Variants in GRIN2B observed in about 807,000 individuals in gnomAD.
GRIN2B encodes the protein glutamate receptor ionotropic, NMDA 2B.
GRIN2B carries 5 observed loss-of-function variants against 114.5 expected under a neutral mutation model. The observed-to-expected ratio is 0.04, with a 90% CI of 0.02 to 0.09. The LOEUF is 0.09. Among genes scored for constraint, GRIN2B ranks in the 10% least tolerant of loss-of-function variants. The pLI, the probability that GRIN2B is intolerant of heterozygous loss-of-function variation, is 1.00. For synonymous variants in GRIN2B, 787 were observed against 745.1 expected (o/e 1.06, Z -0.92); for missense variants, 1,108 against 1,943.5 (o/e 0.57, Z 8.08).
intron 2 of GRIN2B, among the ~76,000 whole-genome samples, chr12:13,889,930 A>G (rs1866229538): frequency 6.6e-6 from 1 of 152,196 alleles, no homozygotes; most frequent in African/African-American, 2.4e-5. Flanking sequence ...TGCTGCTCAG[A>G]GGATTTCATC....
In GRIN2B at chr12:13,590,667, G is replaced by A. The variant is rs567760816; in HGVS notation, c.2010+17936C>T. Reference sequence around the variant, plus strand: ...CTATCATTGATGGGCATTTAGGTTGGTTCCAAGTCTTTGCTATTGTAAATA... The same window carrying A: ...CTATCATTGATGGGCATTTAGGTTGATTCCAAGTCTTTGCTATTGTAAATA... On this transcript the variant is annotated intron_variant, in intron 10 of 13. Transcript: ENST00000609686. Among the ~76,000 whole-genome samples, 177 of 152,174 alleles carry A rather than the reference G, an allele frequency of 1.2e-3. 1 individual carries two copies. Among genetic ancestry groups the A allele is most frequent in the African/African-American group, 3.9e-3 (161 of 41,476 alleles).
intron 4 of GRIN2B, among the ~76,000 whole-genome samples, chr12:13,736,166 A>G (rs1056474614): frequency 1.3e-5 from 2 of 150,574 alleles, no homozygotes; most frequent in Non-Finnish European, 3.0e-5. Flanking sequence ...GGGAATAAAC[A>G]GGTGGCCACT....
chr12:13,837,665 C>T (rs1865299098), intron 3 of GRIN2B, among the ~76,000 whole-genome samples: 1 of 152,178 alleles, frequency 6.6e-6, no homozygotes, highest in African/African-American at 2.4e-5. Flanking sequence ...CTTTCAAATT[C>T]ACTGTCCTTA....
chr12:13,743,547 T>C (rs1863321432), intron 4 of GRIN2B, among the ~76,000 whole-genome samples: 1 of 152,082 alleles, frequency 6.6e-6, no homozygotes, highest in Non-Finnish European at 1.5e-5. Context: ...AATATAATAA[T>C]GCTCTATTGT....
At chr12:13,904,930 T>C (rs528126556) in intron 2 of GRIN2B, among the ~76,000 whole-genome samples, 3 of 152,274 alleles carry the variant, frequency 2.0e-5, no homozygotes, top group East Asian at 3.9e-4. Context: ...AGAAACCATT[T>C]TGAGATATAA....
chr12:13,821,998 A>G (rs902731274), intron 3 of GRIN2B, among the ~76,000 whole-genome samples: 3 of 152,186 alleles, frequency 2.0e-5, no homozygotes, highest in East Asian at 1.9e-4. Flanking sequence ...TAATTCTAAT[A>G]TATATAAGGT....
intron 5 of GRIN2B, among the ~76,000 whole-genome samples, chr12:13,640,575 T>C (rs1949706299): frequency 6.6e-6 from 1 of 152,190 alleles, no homozygotes; most frequent in Non-Finnish European, 1.5e-5. Flanking sequence ...TGCTCCTTTA[T>C]TCCGAATCTG....
At chr12:13,694,001 G>A (rs1299073533) in intron 4 of GRIN2B, among the ~76,000 whole-genome samples, 1 of 152,124 alleles carries the variant, frequency 6.6e-6, no homozygotes, top group Non-Finnish European at 1.5e-5. Flanking sequence ...GGGGAACTAG[G>A]AAGAAAGAGA....
intron 4 of GRIN2B, among the ~76,000 whole-genome samples, chr12:13,733,780 C>T (rs1478445133): frequency 6.6e-6 from 1 of 152,256 alleles, no homozygotes; most frequent in East Asian, 1.9e-4. Context: ...AGTTCAATAC[C>T]TCATATAATC....
intron 3 of GRIN2B, among the ~76,000 whole-genome samples, chr12:13,799,360 C>CTCAGTCTCTT (rs1476277197): frequency 6.6e-6 from 1 of 152,148 alleles, no homozygotes; most frequent in African/African-American, 2.4e-5. Context: ...TTGTGGTTCC[C>CTCAGTCTCTT]TCAGTCTCTT....
intron 4 of GRIN2B, among the ~76,000 whole-genome samples, chr12:13,700,455 C>A (rs1950301319): frequency 6.6e-6 from 1 of 152,108 alleles, no homozygotes; most frequent in African/African-American, 2.4e-5. Flanking sequence ...TTCTATCTTC[C>A]CCCATACCCC....
At chr12:13,585,301 T>A (rs1436697530) in intron 10 of GRIN2B, among the ~76,000 whole-genome samples, 4 of 152,150 alleles carry the variant, frequency 2.6e-5, no homozygotes, top group Non-Finnish European at 4.4e-5. Context: ...TGAGTGAGGA[T>A]CCAGTGACAG....
At chr12:13,685,416 AAAG>A (rs1225442594) in intron 4 of GRIN2B, among the ~76,000 whole-genome samples, 1 of 152,240 alleles carries the variant, frequency 6.6e-6, no homozygotes, top group African/African-American at 2.4e-5. Context: ...ACTCATGGAA[AAAG>A]AAGGTTATAA....
At chr12:13,589,606 A>G (rs1948977979) in intron 10 of GRIN2B, among the ~76,000 whole-genome samples, 2 of 152,238 alleles carry the variant, frequency 1.3e-5, no homozygotes, top group African/African-American at 4.8e-5. Flanking sequence ...CTATCTGATG[A>G]ATGAATAAAT....
intron 3 of GRIN2B, among the ~76,000 whole-genome samples, chr12:13,855,634 G>A (rs1276918209): frequency 2.0e-5 from 3 of 151,928 alleles, no homozygotes; most frequent in African/African-American, 7.3e-5. Flanking sequence ...TCTTTATATG[G>A]GCTTCTCCTC....
At chr12:13,708,887 C>G (rs371941622) in intron 4 of GRIN2B, among the ~76,000 whole-genome samples, 14 of 152,092 alleles carry the variant, frequency 9.2e-5, no homozygotes, top group Admixed American at 9.2e-4. Context: ...GTTCCCAGTA[C>G]CTGGGATACA....
At chr12:13,690,285 C>CA (rs1555121791) in intron 4 of GRIN2B, among the ~76,000 whole-genome samples, 1 of 144,678 alleles carries the variant, frequency 6.9e-6, no homozygotes, top group Admixed American at 6.9e-5. Flanking sequence ...CTATGTCACA[C>CA]CACACACACA....
chr12:13,950,281 G>A (rs770927267), intron 2 of GRIN2B, among the ~76,000 whole-genome samples: 3 of 152,176 alleles, frequency 2.0e-5, no homozygotes, highest in South Asian at 4.1e-4. Context: ...ACCCAAGAGT[G>A]TTTACTGAGA....
chr12:13,630,914 C>G (rs1949610522), intron 5 of GRIN2B, among the ~76,000 whole-genome samples: 1 of 152,020 alleles, frequency 6.6e-6, no homozygotes, highest in African/African-American at 2.4e-5. Context: ...GCTGAGGAGG[C>G]CCCAGGAAAC....
Sources: gnomAD v4.1 joint callset for allele counts (sites outside exome capture counted in the v4.1 genomes callset) on GRCh38, gnomAD v4.1.1 for gene constraint, MANE v1.5 for transcripts, NCBI Gene and HGNC (gene_info 2026-07-23, HGNC 2026-07-21) for gene names.